The following COCH variants were observed in gnomAD, a reference collection of about 807,000 sequenced individuals.
COCH encodes the protein coagulation factor C homolog, cochlin (Limulus polyphemus).
COCH carries 40 observed loss-of-function variants against 54.8 expected under a neutral mutation model. The ratio of observed to expected loss-of-function variants is 0.73; its 90% CI spans 0.57 to 0.95. COCH has a LOEUF of 0.95. Among genes scored for constraint, COCH ranks in the 40% least tolerant of loss-of-function variants. The probability of loss-of-function intolerance (pLI) is 0.00; values close to 1 mark genes in which losing one functional copy is unlikely to be tolerated. For synonymous variants in COCH, 256 were observed against 237.9 expected, an observed-to-expected ratio of 1.08 and a Z score of -0.70; for missense variants, 605 against 675.0, an observed-to-expected ratio of 0.90 and a Z score of 1.15.
intron 8 of COCH, among the ~76,000 whole-genome samples, chr14:30,883,973 C>G (rs1488462770): frequency 6.6e-6 from 1 of 152,100 alleles, no homozygotes; most frequent in African/African-American, 2.4e-5. Context: ...TTCTCCTGAA[C>G]AGAGAGCTCT....
At position 30,889,756 on chromosome 14, in the gene COCH, G is replaced by C. The variant is rs781479122; in HGVS notation, c.1618G>C (p.Gly540Arg). ...LEPIVSDVIR[G>R]ICRDFLESQQ ...ACCAATTGTTTCTGATGTCATCAGA[G>C]GCATTTGTAGAGATTTCTTAGAATC... Residue 540 changes from glycine to arginine, a missense_variant, in exon 12 of 12, where the codon GGC (glycine) becomes CGC (arginine). Coordinates refer to ENST00000396618, the MANE Select transcript of COCH (RefSeq NM_004086.3). The C allele has an allele frequency of 1.9e-6, 3 of 1,611,076 alleles. No homozygotes were observed. Among genetic ancestry groups the C allele is most frequent in the African/African-American group, 1.3e-5 (1 of 74,976 alleles).
chr14:30,880,566 G>A lies in COCH; in HGVS notation c.482-21G>A, dbSNP rs748500996. 12 of 1,614,130 alleles carry A rather than the reference G, an allele frequency of 7.4e-6. No homozygotes were observed. In the Admixed American group the frequency reaches 1.8e-4, roughly 25 times the overall value. ...CTCCTCTTGAGACTGCTAATGAGGG[G>A]ACTGGTTTGGTTGTTCGCAGATTGT... On this transcript the variant is annotated intron_variant, in intron 7 of 11. Transcript: ENST00000396618.
downstream of COCH, among the ~76,000 whole-genome samples, chr14:30,892,820 A>C (rs1383817922): frequency 7.0e-6 from 1 of 142,552 alleles, no homozygotes; most frequent in Non-Finnish European, 1.6e-5. Flanking sequence ...CTCAAAAAAA[A>C]AAAACAAAAA....
At chr14:30,892,557 A>G (rs373910699), downstream of COCH, among the ~76,000 whole-genome samples, 1 of 152,304 alleles carries the variant, frequency 6.6e-6, no homozygotes, top group African/African-American at 2.4e-5. Flanking sequence ...CCCAGCCAGC[A>G]CTTTGGGAGG....
downstream of COCH, among the ~76,000 whole-genome samples, chr14:30,892,835 G>T (rs965671057): frequency 1.3e-5 from 2 of 151,156 alleles, no homozygotes; most frequent in Non-Finnish European, 2.9e-5. Context: ...CAAAAAACTT[G>T]AAAAGTTTTA....
intron 3 of COCH, 30 bp downstream of exon 3, chr14:30,875,133 C>A: frequency 6.5e-7 from 1 of 1,549,056 alleles, no homozygotes. Flanking sequence ...TGCGTCCAGG[C>A]GGTCGCAGGG....
chr14:30,874,825 G>T (rs1490434082), intron 1 of COCH, 91 bp from the exon 2 acceptor site: 12 of 1,263,582 alleles, frequency 9.5e-6, no homozygotes, highest in African/African-American at 4.4e-5. Context: ...TCTGCGCCGC[G>T]CCCGGGGATC....
At chr14:30,881,305 T>C (rs970172280) in intron 8 of COCH, among the ~76,000 whole-genome samples, 8 of 152,044 alleles carry the variant, frequency 5.3e-5, no homozygotes, top group African/African-American at 1.9e-4. Flanking sequence ...AGTGGGTACA[T>C]GTCAGTTCAG....
At position 30,874,575 on chromosome 14, in the gene COCH, G is replaced by A. The variant is rs1895281331; in HGVS notation, c.-40G>A. On this transcript the variant is annotated 5_prime_UTR_variant, in exon 1 of 12. Coordinates refer to ENST00000396618, the MANE Select transcript of COCH (RefSeq NM_004086.3). Reference sequence around the variant, plus strand: ...TTGCCTTCCGCACTCGGGCGCAGCCGGGTGGATCTCGAGCAGGTGCGGAGC... The same window carrying A: ...TTGCCTTCCGCACTCGGGCGCAGCCAGGTGGATCTCGAGCAGGTGCGGAGC... 1 of 438,982 alleles carries A rather than the reference G, an allele frequency of 2.3e-6. No individual in the cohort carries two copies. Among genetic ancestry groups the A allele is most frequent in the Non-Finnish European group, 4.2e-6 (1 of 240,118 alleles). 27.2% of individuals were successfully genotyped at this position (438,982 alleles called of 1,614,324 possible). A position where few individuals can be genotyped will look rare whatever the true frequency, so the allele number is the denominator to read the frequency against.
chr14:30,893,149 ATTT>A (rs754080275), downstream of COCH, among the ~76,000 whole-genome samples: 1,499 of 91,122 alleles, frequency 0.016, 14 homozygotes, highest in African/African-American at 0.051. Context: ...AAAAACCACA[ATTT>A]TTTTTTTTTT....
intron 3 of COCH, 29 bp downstream of exon 3, chr14:30,875,132 G>A: frequency 1.9e-6 from 3 of 1,549,202 alleles, no homozygotes. Context: ...GTGCGTCCAG[G>A]CGGTCGCAGG....
At chr14:30,889,344 T>A in intron 11 of COCH, 1 of 424,132 alleles carries the variant, frequency 2.4e-6, no homozygotes, top group Admixed American at 3.6e-5. Flanking sequence ...TTAATGGATA[T>A]TGAACTTTAT....
chr14:30,891,714 C>T (rs1183480606), downstream of COCH, among the ~76,000 whole-genome samples: 1 of 152,182 alleles, frequency 6.6e-6, no homozygotes, highest in Admixed American at 6.5e-5. Context: ...ACCCAGCTAC[C>T]ACTCATTAGC....
At chr14:30,881,438 G>A (rs1260332043) in intron 8 of COCH, among the ~76,000 whole-genome samples, 2 of 152,112 alleles carry the variant, frequency 1.3e-5, no homozygotes, top group Admixed American at 1.3e-4. Flanking sequence ...TTAGAAAACT[G>A]TGTGCTATCT....
downstream of COCH, chr14:30,895,536 A>T: frequency 6.2e-7 from 1 of 1,614,138 alleles, no homozygotes; most frequent in Non-Finnish European, 8.5e-7. Flanking sequence ...TCTTGCACAC[A>T]TGTCTTGCTG....
chr14:30,894,952 T>C (rs1228456957), downstream of COCH: 4 of 1,075,830 alleles, frequency 3.7e-6, no homozygotes, highest in African/African-American at 7.5e-5. Flanking sequence ...ATTCAACCGA[T>C]AAACAGAAGA....
intron 9 of COCH, 128 bp from the exon 10 acceptor site, chr14:30,885,266 G>A: frequency 1.0e-6 from 1 of 967,848 alleles, no homozygotes; most frequent in African/African-American, 1.6e-5. Flanking sequence ...ATTCTTTTTT[G>A]TGTGCCCCGC....
At position 30,884,597 on chromosome 14, in the gene COCH, C is replaced by T; in HGVS notation, c.674C>T (p.Ala225Val). ...IEFYLKNFTS[A>V]KDVLFAIKEV... ...TTTTACTTGAAAAACTTTACATCAG[C>T]CAAAGATGTTTTGTTTGCCATAAAG... Residue 225 changes from alanine (A) to valine (V), a missense_variant, in exon 9 of 12, where the codon GCC (alanine) becomes GTC (valine). Transcript: ENST00000396618. The T allele has an allele frequency of 1.9e-6, 3 of 1,613,744 alleles. No individual in the cohort carries two copies. The highest frequency in any genetic ancestry group is 2.5e-6 in the Non-Finnish European group (3 of 1,179,808).
chr14:30,889,987 AAC>A lies in COCH; in HGVS notation c.*199_*200del. 7.6e-7 allele frequency: 1 copy of A among 1,323,432 alleles called. No homozygotes were observed. Among genetic ancestry groups the A allele is most frequent in the Non-Finnish European group, 9.7e-7 (1 of 1,035,068 alleles). The allele number at this position is 1,323,432 out of a possible 1,614,324, so 82.0% of individuals were successfully genotyped here. A position where few individuals can be genotyped will look rare whatever the true frequency, so the allele number is the denominator to read the frequency against. On this transcript the variant is annotated 3_prime_UTR_variant, in exon 12 of 12. Coordinates refer to ENST00000396618, the MANE Select transcript of COCH (RefSeq NM_004086.3). ...ACAATTTACAGTGTACTTTGTTAAA[AAC>A]ACTGCTGAGGCTTCATAATCATGGC...
Sources: gnomAD v4.1 joint callset for allele counts (sites outside exome capture counted in the v4.1 genomes callset) on GRCh38, gnomAD v4.1.1 for gene constraint, MANE v1.5 for transcripts, NCBI Gene and HGNC (gene_info 2026-07-23, HGNC 2026-07-21) for gene names.